The following ZNG1E variants were observed in gnomAD, a reference collection of about 807,000 sequenced individuals.
ZNG1E encodes the protein zinc-regulated GTPase metalloprotein activator 1E.
the ZNG1E span, among the ~76,000 whole-genome samples, chr9:65,680,517 C>A: frequency 3.3e-5 from 5 of 151,916 alleles, no homozygotes; most frequent in African/African-American, 1.2e-4. Flanking sequence ...CATTAATGTT[C>A]TGTATATAGT....
chr9:65,727,338 A>C, the ZNG1E span, among the ~76,000 whole-genome samples: 7 of 148,230 alleles, frequency 4.7e-5, no homozygotes, highest in East Asian at 1.9e-4. Context: ...AACAACAAAA[A>C]CCAAAAAAAA....
At chr9:65,675,697 C>A in the ZNG1E span, 3 of 653,024 alleles carry the variant, frequency 4.6e-6, 1 homozygote, top group Middle Eastern at 9.0e-4. Flanking sequence ...GTGGTTAGTG[C>A]GCCCTAAGGG....
the ZNG1E span, among the ~76,000 whole-genome samples, chr9:65,720,971 G>GT: frequency 5.8e-5 from 7 of 121,078 alleles, no homozygotes; most frequent in Non-Finnish European, 8.6e-5. Context: ...AGAATTTATG[G>GT]TAAAAAAAAA....
At chr9:65,686,454 G>A in the ZNG1E span, among the ~76,000 whole-genome samples, 5 of 152,238 alleles carry the variant, frequency 3.3e-5, no homozygotes, top group Non-Finnish European at 7.3e-5. Flanking sequence ...GGCCAACATA[G>A]TGAAACCCCA....
At chr9:65,719,415 G>A in the ZNG1E span, 10 of 133,212 alleles carry the variant, frequency 7.5e-5, no homozygotes, top group African/African-American at 3.3e-4. Context: ...CATCAGTGTT[G>A]AAATGTATGC....
At chr9:65,673,711 G>A in the ZNG1E span, among the ~76,000 whole-genome samples, 1 of 152,284 alleles carries the variant, frequency 6.6e-6, no homozygotes, top group Non-Finnish European at 1.5e-5. Flanking sequence ...AGGCTGAGAT[G>A]GGAGGATCAC....
the ZNG1E span, among the ~76,000 whole-genome samples, chr9:65,720,895 A>C: frequency 2.7e-5 from 4 of 148,870 alleles, no homozygotes; most frequent in Non-Finnish European, 6.0e-5. Flanking sequence ...AACTTTTGTT[A>C]ATAGGATATT....
At chr9:65,680,976 G>T in the ZNG1E span, among the ~76,000 whole-genome samples, 2 of 152,302 alleles carry the variant, frequency 1.3e-5, no homozygotes, top group South Asian at 4.2e-4. Context: ...TTTTAGTAGA[G>T]ATGAGGTTTC....
the ZNG1E span, among the ~76,000 whole-genome samples, chr9:65,678,552 A>G: frequency 6.8e-6 from 1 of 147,398 alleles, no homozygotes; most frequent in Non-Finnish European, 1.5e-5. Flanking sequence ...AAAAAAAAAG[A>G]TAAAGAAATG....
the ZNG1E span, among the ~76,000 whole-genome samples, chr9:65,684,550 G>GCACACACACACACACA: frequency 2.3e-5 from 3 of 132,770 alleles, no homozygotes; most frequent in African/African-American, 9.2e-5. Flanking sequence ...ACACACGCAC[G>GCACACACACACACACA]CACACACACA....
the ZNG1E span, among the ~76,000 whole-genome samples, chr9:65,718,950 GAT>G: frequency 3.5e-5 from 2 of 57,026 alleles, no homozygotes; most frequent in Non-Finnish European, 7.3e-5. Flanking sequence ...TTCGTTGTTA[GAT>G]TTTTTTTTTT....
the ZNG1E span, among the ~76,000 whole-genome samples, chr9:65,721,648 GAGTAGAAT>G: frequency 6.7e-6 from 1 of 150,218 alleles, no homozygotes; most frequent in African/African-American, 2.5e-5. Context: ...ACGTACATAA[GAGTAGAAT>G]AGTATAATGA....
At chr9:65,720,972 TAA>T in the ZNG1E span, among the ~76,000 whole-genome samples, 185 of 138,490 alleles carry the variant, frequency 1.3e-3, no homozygotes, top group African/African-American at 3.7e-3. Context: ...GAATTTATGG[TAA>T]AAAAAAAAAA....
chr9:65,717,897 AG>A, the ZNG1E span, among the ~76,000 whole-genome samples: 6 of 146,102 alleles, frequency 4.1e-5, no homozygotes, highest in African/African-American at 1.6e-4. Flanking sequence ...ATGTTGCTGA[AG>A]CTGATCTTAA....
chr9:65,665,178 A>C, the ZNG1E span, among the ~76,000 whole-genome samples: 1 of 152,246 alleles, frequency 6.6e-6, no homozygotes, highest in Non-Finnish European at 1.5e-5. Flanking sequence ...TCCCCAAGAC[A>C]ATGGGGAAAG....
At chr9:65,711,260 T>C in the ZNG1E span, among the ~76,000 whole-genome samples, 4 of 122,530 alleles carry the variant, frequency 3.3e-5, no homozygotes, top group Non-Finnish European at 6.6e-5. Context: ...TGGGATGAGA[T>C]GATGGGGTTT....
the ZNG1E span, among the ~76,000 whole-genome samples, chr9:65,730,544 CTT>C: frequency 6.3e-5 from 3 of 47,612 alleles, no homozygotes; most frequent in East Asian, 1.4e-3. Flanking sequence ...CTAAATTGGT[CTT>C]TAATACTTTA....
the ZNG1E span, among the ~76,000 whole-genome samples, chr9:65,720,989 AC>A: frequency 1.1e-4 from 16 of 149,708 alleles, no homozygotes; most frequent in East Asian, 3.9e-4. Flanking sequence ...AAAAAAAAAA[AC>A]CCAGTTCTTT....
At chr9:65,684,324 G>A in the ZNG1E span, among the ~76,000 whole-genome samples, 5 of 150,708 alleles carry the variant, frequency 3.3e-5, no homozygotes, top group African/African-American at 4.9e-5. Context: ...ATCCCTTGAG[G>A]CCAGGAGTTC....
Sources: allele counts gnomAD v4.1 joint callset (sites outside exome capture counted in the v4.1 genomes callset), GRCh38; gene constraint gnomAD v4.1.1; transcripts MANE v1.5; gene names NCBI Gene and HGNC (gene_info 2026-07-23, HGNC 2026-07-21).